The following ETFA variants were observed in gnomAD, a reference collection of about 807,000 sequenced individuals.
The protein encoded by ETFA is electron transfer flavoprotein subunit alpha.
A neutral mutation model predicts 46.2 loss-of-function variants in ETFA; 22 were observed. That is an observed-to-expected ratio of 0.48 (90% CI 0.34 to 0.68). The LOEUF is 0.68. Ranked by LOEUF, ETFA falls within the 30% of genes least tolerant of loss-of-function variation. ETFA has a pLI of 0.01. For missense variants in ETFA, 345 were observed against 401.1 expected (o/e 0.86, Z 1.19); for synonymous variants, 131 against 139.9 (o/e 0.94, Z 0.45).
intron 9 of ETFA, among the ~76,000 whole-genome samples, chr15:76,265,165 G>A (rs1265787335): frequency 1.3e-5 from 2 of 152,250 alleles, no homozygotes; most frequent in Non-Finnish European, 2.9e-5. Context: ...CCCCATGGGA[G>A]TTAGGGGACC....
intron 1 of ETFA, among the ~76,000 whole-genome samples, chr15:76,310,666 T>G (rs986621723): frequency 2.0e-5 from 3 of 152,202 alleles, no homozygotes; most frequent in Non-Finnish European, 4.4e-5. Context: ...TAACCTAATC[T>G]ACAATCTGCT....
At chr15:76,295,876 A>G in intron 1 of ETFA, 139 bp from the exon 2 acceptor site, 2 of 527,740 alleles carry the variant, frequency 3.8e-6, no homozygotes, top group Non-Finnish European at 3.2e-6. Flanking sequence ...TTTATTTATA[A>G]AATACTTGTT....
chr15:76,251,107 A>G (rs1371975054), intron 9 of ETFA, among the ~76,000 whole-genome samples: 2 of 152,164 alleles, frequency 1.3e-5, no homozygotes, highest in Non-Finnish European at 2.9e-5. Flanking sequence ...TGAAAGGGGC[A>G]GTAGGTAATG....
intron 1 of ETFA, among the ~76,000 whole-genome samples, 199 bp from the exon 2 acceptor site, chr15:76,295,936 C>CTTTTTTTGTTTTTTTTTTTTT: frequency 2.1e-5 from 1 of 46,602 alleles, no homozygotes; most frequent in Non-Finnish European, 4.2e-5. Flanking sequence ...CACTAATATT[C>CTTTTTTTGTTTTTTTTTTTTT]TTTTTTTTTT....
chr15:76,224,692 T>C (rs1373751321), intron 11 of ETFA, among the ~76,000 whole-genome samples: 1 of 152,220 alleles, frequency 6.6e-6, no homozygotes, highest in African/African-American at 2.4e-5. Context: ...AGCCCCTCGC[T>C]GTGGTTCTAC....
intron 9 of ETFA, among the ~76,000 whole-genome samples, chr15:76,235,359 C>T (rs1429300668): frequency 6.6e-6 from 1 of 152,160 alleles, no homozygotes; most frequent in East Asian, 1.9e-4. Flanking sequence ...GGGCACCACT[C>T]TTAACAGTCA....
chr15:76,238,818 T>A (rs2039153727), intron 9 of ETFA, among the ~76,000 whole-genome samples: 1 of 152,240 alleles, frequency 6.6e-6, no homozygotes, highest in Non-Finnish European at 1.5e-5. Flanking sequence ...CTTCTCTTTT[T>A]GGAAGAGGCC....
intron 9 of ETFA, 169 bp downstream of exon 9, chr15:76,274,243 C>T (rs2141515985): frequency 1.6e-6 from 1 of 625,458 alleles, no homozygotes; most frequent in East Asian, 2.8e-5. Context: ...GGGCATTTTA[C>T]TAGGATCAAG....
At chr15:76,283,117 G>A (rs1341788140) in intron 8 of ETFA, among the ~76,000 whole-genome samples, 1 of 151,942 alleles carries the variant, frequency 6.6e-6, no homozygotes, top group Non-Finnish European at 1.5e-5. Context: ...GTTATATTAA[G>A]ACCACCAAAA....
intron 8 of ETFA, among the ~76,000 whole-genome samples, chr15:76,281,193 C>T (rs892534955): frequency 1.4e-4 from 21 of 151,806 alleles, no homozygotes; most frequent in African/African-American, 4.6e-4. Context: ...TTAGTAGAGG[C>T]GGGGTTTCAC....
intron 9 of ETFA, among the ~76,000 whole-genome samples, chr15:76,250,395 GAGGAT>G (rs1267794534): frequency 1.3e-5 from 2 of 151,954 alleles, no homozygotes; most frequent in African/African-American, 2.4e-5. Flanking sequence ...CAAAGGCTGA[GAGGAT>G]CAACATCTGG....
intron 9 of ETFA, among the ~76,000 whole-genome samples, chr15:76,248,085 G>A (rs532349073): frequency 2.0e-5 from 3 of 152,220 alleles, no homozygotes; most frequent in East Asian, 3.8e-4. Flanking sequence ...GTAAAGTAAC[G>A]CAGGGAACCA....
intron 7 of ETFA, chr15:76,284,966 A>C (rs1380631513): frequency 2.7e-6 from 1 of 369,038 alleles, no homozygotes; most frequent in South Asian, 1.9e-5. Flanking sequence ...CAAGTCAGAT[A>C]TATCACTTCA....
chr15:76,259,673 T>TAC, intron 9 of ETFA: 3 of 1,017,536 alleles, frequency 2.9e-6, no homozygotes, highest in Non-Finnish European at 4.7e-6. Context: ...AGCCCCGCTG[T>TAC]AGATCTTCCA....
chr15:76,240,780 C>T (rs2039177927), intron 9 of ETFA, among the ~76,000 whole-genome samples: 1 of 151,806 alleles, frequency 6.6e-6, no homozygotes, highest in African/African-American at 2.4e-5. Flanking sequence ...TGCTCAGTGG[C>T]TCACGTCTAT....
intron 11 of ETFA, among the ~76,000 whole-genome samples, chr15:76,217,022 G>T (rs1197311320): frequency 1.3e-5 from 2 of 151,724 alleles, no homozygotes; most frequent in Admixed American, 1.3e-4. Flanking sequence ...TCGTCATGTT[G>T]CCCAGGCTAG....
At chr15:76,244,614 C>T (rs967855578) in intron 9 of ETFA, among the ~76,000 whole-genome samples, 1 of 151,762 alleles carries the variant, frequency 6.6e-6, no homozygotes, top group Non-Finnish European at 1.5e-5. Flanking sequence ...CATTCATGTG[C>T]CCATTTATCA....
At chr15:76,307,981 T>C (rs1392697050) in intron 1 of ETFA, among the ~76,000 whole-genome samples, 1 of 152,124 alleles carries the variant, frequency 6.6e-6, no homozygotes, top group Non-Finnish European at 1.5e-5. Flanking sequence ...AGATAAGCTA[T>C]TTTGACTTTG....
chr15:76,249,408 G>A (rs912210622), intron 9 of ETFA, among the ~76,000 whole-genome samples: 4 of 146,430 alleles, frequency 2.7e-5, no homozygotes, highest in African/African-American at 5.1e-5. Context: ...GATTACAGGC[G>A]TGAACCACCA....
Sources: gnomAD v4.1 joint callset for allele counts (sites outside exome capture counted in the v4.1 genomes callset) on GRCh38, gnomAD v4.1.1 for gene constraint, MANE v1.5 for transcripts, NCBI Gene and HGNC (gene_info 2026-07-23, HGNC 2026-07-21) for gene names.